CADPS2: variants seen among roughly 807,000 people sequenced by gnomAD.
CADPS2 encodes the protein calcium dependent secretion activator 2.
CADPS2 carries 93 observed loss-of-function variants against 172.5 expected under a neutral mutation model. The observed-to-expected ratio is 0.54, with a 90% CI of 0.46 to 0.64. The LOEUF is 0.64. Ranked by LOEUF, CADPS2 falls within the 30% of genes least tolerant of loss-of-function variation. The probability of loss-of-function intolerance (pLI) is 0.00; values close to 1 mark genes in which losing one functional copy is unlikely to be tolerated. For missense variants in CADPS2, 1,420 were observed against 1,565.9 expected, an observed-to-expected ratio of 0.91 and a Z score of 1.57; for synonymous variants, 546 against 555.2, an observed-to-expected ratio of 0.98 and a Z score of 0.23.
intron 1 of CADPS2, among the ~76,000 whole-genome samples, chr7:122,839,634 C>T (rs1345021353): frequency 6.6e-6 from 1 of 152,216 alleles, no homozygotes; most frequent in East Asian, 1.9e-4. Context: ...TGAACAGACA[C>T]TTCTCAAAAG....
chr7:122,454,594 T>C (rs767933195), intron 14 of CADPS2, among the ~76,000 whole-genome samples: 1 of 152,230 alleles, frequency 6.6e-6, no homozygotes, highest in Non-Finnish European at 1.5e-5. Flanking sequence ...ATTTAAAATA[T>C]AATGCTTACC....
chr7:122,517,019 C>G (rs1188401070), intron 8 of CADPS2, among the ~76,000 whole-genome samples: 1 of 152,124 alleles, frequency 6.6e-6, no homozygotes, highest in Non-Finnish European at 1.5e-5. Flanking sequence ...TTCCACCTCC[C>G]CAAAAGTTCC....
At chr7:122,873,705 C>T (rs545648522) in intron 1 of CADPS2, among the ~76,000 whole-genome samples, 1 of 152,240 alleles carries the variant, frequency 6.6e-6, no homozygotes, top group East Asian at 1.9e-4. Flanking sequence ...ATTGCTGGGT[C>T]AAATGGTATT....
rs113645708 is a variant in CADPS2, at chr7:122,614,754, A to C, written c.1223+427T>G. Among the ~76,000 whole-genome samples, 507 of 152,292 alleles carry C rather than the reference A, an allele frequency of 3.3e-3. 5 individuals are homozygous for C. Among genetic ancestry groups the C allele is most frequent in the African/African-American group, 0.012 (487 of 41,568 alleles). On this transcript the variant is annotated intron_variant, in intron 6 of 29. Transcript: ENST00000449022. ...CTCTAGCCCGCTCACTAAGTATTCCAAGTCATTGTGCAGAATCATGGTATC... is the reference window on the plus strand; with the variant it reads ...CTCTAGCCCGCTCACTAAGTATTCCCAGTCATTGTGCAGAATCATGGTATC...
chr7:122,771,538 T>G (rs565476824), intron 1 of CADPS2, among the ~76,000 whole-genome samples: 1 of 152,266 alleles, frequency 6.6e-6, no homozygotes, highest in South Asian at 2.1e-4. Context: ...AAATTTCCAG[T>G]GGAGAAAGTG....
intron 3 of CADPS2, among the ~76,000 whole-genome samples, chr7:122,657,869 G>C (rs2135213291): frequency 6.6e-6 from 1 of 152,136 alleles, no homozygotes; most frequent in Non-Finnish European, 1.5e-5. Context: ...GGTGAGAGAG[G>C]GCATCCCTGT....
rs550915691 is a variant in CADPS2, at chr7:122,883,258, TTGACTA to T, written c.339+2735_339+2740del. Among the ~76,000 whole-genome samples the T allele has an allele frequency of 7.9e-5, 12 of 152,286 alleles. No individual in the cohort carries two copies. The East Asian group carries it at 2.3e-3, about 29-fold the overall frequency. On this transcript the variant is annotated intron_variant, in intron 1 of 29. Transcript: ENST00000449022. ...CACCAGCTCTAATAGTGAACGGGCT[TTGACTA>T]AAGAGAAACCTGACTCCTGGCCTCC...
rs1268669405 is a variant in CADPS2, at chr7:122,410,542, A to T, written c.2590-2846T>A. On this transcript the variant is annotated intron_variant, in intron 19 of 29. Transcript: ENST00000449022. Reference sequence around the variant, plus strand: ...GAGTACTGAGCTTTTGAGCTTAGTGATGATACTTGAGTGATAACGGTCAAA... The same window carrying T: ...GAGTACTGAGCTTTTGAGCTTAGTGTTGATACTTGAGTGATAACGGTCAAA... Among the ~76,000 whole-genome samples, 6 of 151,016 alleles carry T rather than the reference A, an allele frequency of 4.0e-5. No homozygotes were observed. The East Asian group carries it at 1.2e-3, about 30-fold the overall frequency.
At position 122,839,772 on chromosome 7, in the gene CADPS2, A is replaced by G. The variant is rs1269051208; in HGVS notation, c.339+46227T>C. On this transcript the variant is annotated intron_variant, in intron 1 of 29. Transcript: ENST00000449022. ...TTAGAATGGCAATCATTAAAAAGTC[A>G]GGAAACAACAGGTGCTGGAGAGGAT... Among the ~76,000 whole-genome samples the G allele has an allele frequency of 3.3e-5, 5 of 152,348 alleles. No individual in the cohort carries two copies. The East Asian group carries it at 7.7e-4, about 24-fold the overall frequency.
intron 27 of CADPS2, among the ~76,000 whole-genome samples, chr7:122,352,380 T>G (rs528651431): frequency 6.6e-6 from 1 of 152,334 alleles, no homozygotes; most frequent in Admixed American, 6.5e-5. Flanking sequence ...TTAGATGGAC[T>G]GGGATGGGTT....
Position 122,345,251 on chromosome 7 carries a change from G to A in CADPS2, c.3612+323C>T, listed in dbSNP as rs1223043745. On this transcript the variant is annotated intron_variant, in intron 28 of 29. Transcript: ENST00000449022. ...AGCGATTCTTGTGCTGCAGCCTCTC[G>A]AGTAGCTGGGATTACAGGCATCTAC... 2.0e-5 allele frequency among the ~76,000 whole-genome samples: 3 copies of A among 152,064 alleles called. No individual in the cohort carries two copies. The East Asian group carries it at 5.8e-4, about 29-fold the overall frequency.
intron 2 of CADPS2, among the ~76,000 whole-genome samples, chr7:122,690,235 G>A (rs1243329246): frequency 6.6e-6 from 1 of 152,154 alleles, no homozygotes; most frequent in Non-Finnish European, 1.5e-5. Context: ...TTCATCCCTG[G>A]ATAACAATGC....
intron 8 of CADPS2, among the ~76,000 whole-genome samples, chr7:122,545,603 T>C (rs1269480920): frequency 1.3e-5 from 2 of 152,022 alleles, no homozygotes; most frequent in Admixed American, 6.6e-5. Flanking sequence ...GTGTGGAAAA[T>C]GGGAACATCG....
Position 122,736,995 on chromosome 7 carries a change from G to A in CADPS2, c.413C>T (p.Ala138Val), listed in dbSNP as rs2092200077. The change falls in exon 2 of 30, where the codon GCT (alanine) becomes GTT (valine). Residue 138 changes from alanine to valine, a missense_variant. Ala to Val is a moderately conservative substitution (Grantham distance 64, BLOSUM62 0). Transcript: ENST00000449022. ...AACTGCGTTGCAAAATGCTTCGTCA[G>A]CTACAATTTGGGTTTCCCCATTGAG... is the stretch of plus-strand genomic sequence containing the variant. ...AFLNGETQIV[A>V]DEAFCNAVRS... 6.2e-7 allele frequency: 1 copy of A among 1,612,382 alleles called. No individual in the cohort carries two copies. Among genetic ancestry groups the A allele is most frequent in the Non-Finnish European group, 8.5e-7 (1 of 1,178,612 alleles).
chr7:122,518,382 T>A (rs1322653226), intron 8 of CADPS2, among the ~76,000 whole-genome samples: 1 of 152,248 alleles, frequency 6.6e-6, no homozygotes, highest in South Asian at 2.1e-4. Context: ...TTATTTGACA[T>A]ATAATGGAAA....
chr7:122,339,780 T>C (rs1441510502), intron 28 of CADPS2, among the ~76,000 whole-genome samples: 1 of 152,102 alleles, frequency 6.6e-6, no homozygotes, highest in Non-Finnish European at 1.5e-5. Context: ...CCAGCTACTC[T>C]GCAGCTGAGG....
chr7:122,383,312 C>T (rs1173256570), intron 24 of CADPS2, among the ~76,000 whole-genome samples: 1 of 151,814 alleles, frequency 6.6e-6, no homozygotes, highest in South Asian at 2.1e-4. Context: ...ATGGGAACAA[C>T]AGACACTGTG....
chr7:122,449,286 G>T lies in CADPS2; in HGVS notation c.2288+2088C>A, dbSNP rs139525710. Among the ~76,000 whole-genome samples, 252 of 152,142 alleles carry T rather than the reference G, an allele frequency of 1.7e-3. 3 individuals are homozygous for T. The highest frequency in any genetic ancestry group is 5.8e-3 in the African/African-American group (241 of 41,524). On this transcript the variant is annotated intron_variant, in intron 15 of 29. Transcript: ENST00000449022. ...AAAGATACATAAAATACATTTAAAGGATTCTATACAACCTAGGAGACAACA... is the reference window on the plus strand; with the variant it reads ...AAAGATACATAAAATACATTTAAAGTATTCTATACAACCTAGGAGACAACA...
intron 8 of CADPS2, among the ~76,000 whole-genome samples, chr7:122,532,140 T>A (rs1248995852): frequency 1.3e-5 from 2 of 152,126 alleles, no homozygotes; most frequent in Admixed American, 6.5e-5. Context: ...ATTTGGGAAA[T>A]TCTATCAATT....
Sources: allele counts gnomAD v4.1 joint callset (sites outside exome capture counted in the v4.1 genomes callset), GRCh38; gene constraint gnomAD v4.1.1; transcripts MANE v1.5; gene names NCBI Gene and HGNC (gene_info 2026-07-23, HGNC 2026-07-21).